Variants in OR2M2 observed in about 807,000 individuals in gnomAD.
The protein encoded by OR2M2 is olfactory receptor family 2 subfamily M member 2, also known as olfactory receptor 2M2.
For missense variants in OR2M2, 467 were observed against 429.9 expected (o/e 1.09, Z -0.76); for synonymous variants, 168 against 151.7 (o/e 1.11, Z -0.79).
chr1:248,176,562 G>GA (rs1232527769), intron 1 of OR2M2, among the ~76,000 whole-genome samples: 4 of 151,646 alleles, frequency 2.6e-5, no homozygotes, highest in Admixed American at 6.6e-5. Context: ...TAGGTATTCT[G>GA]AAAAAAAATA....
At chr1:248,178,714 A>C (rs1665883122) in intron 1 of OR2M2, among the ~76,000 whole-genome samples, 1 of 152,176 alleles carries the variant, frequency 6.6e-6, no homozygotes. Context: ...ACTTTTCTCC[A>C]AAACATTTAT....
At chr1:248,175,887 G>T (rs1223091730) in intron 1 of OR2M2, among the ~76,000 whole-genome samples, 1 of 152,062 alleles carries the variant, frequency 6.6e-6, no homozygotes, top group Non-Finnish European at 1.5e-5. Context: ...TCATGAGGGT[G>T]TTCCCTGTGA....
At chr1:248,178,152 G>T (rs747636853) in intron 1 of OR2M2, among the ~76,000 whole-genome samples, 13 of 152,168 alleles carry the variant, frequency 8.5e-5, no homozygotes, top group Non-Finnish European at 1.2e-4. Context: ...TTAAAAAATT[G>T]TATTTCACCC....
Position 248,180,710 on chromosome 1 carries a change from C to A in OR2M2, c.725C>A (p.Ser242Tyr), listed in dbSNP as rs1206815562. The A allele has an allele frequency of 6.2e-7, 1 of 1,613,206 alleles. No individual in the cohort carries two copies. The highest frequency in any genetic ancestry group is 1.7e-5 in the Admixed American group (1 of 60,016). Residue 242 changes from serine (S) to tyrosine (Y), a missense_variant, in exon 2 of 2, where the codon TCC becomes TAC. By Grantham distance (144) the Ser-to-Tyr change is moderately radical. Coordinates refer to ENST00000641836, the MANE Select transcript of OR2M2 (RefSeq NM_001004688.2). Reference protein sequence around the residue: ...EGRCKAFTTCSSHLMVVGMYY... With the variant: ...EGRCKAFTTCYSHLMVVGMYY... The stretch of plus-strand genomic sequence containing the variant: ...CGTTGCAAAGCTTTCACGACCTGTT[C>A]CTCTCACCTCATGGTGGTGGGAATG...
chr1:248,179,232 C>A (rs145917728), intron 1 of OR2M2, among the ~76,000 whole-genome samples: 1 of 152,138 alleles, frequency 6.6e-6, no homozygotes, highest in East Asian at 1.9e-4. Context: ...CTTATCAGAA[C>A]GTGAGTCATA....
At position 248,180,784 on chromosome 1, in the gene OR2M2, T is replaced by C; in HGVS notation, c.799T>C (p.Ser267Pro). 6.2e-7 allele frequency: 1 copy of C among 1,613,802 alleles called. No homozygotes were observed. Among genetic ancestry groups the C allele is most frequent in the East Asian group, 2.2e-5 (1 of 44,866 alleles). ...FMYIRPTSDH[S>P]PTQDKMVSVF... The stretch of plus-strand genomic sequence containing the variant: ...GTACATACGGCCCACATCTGATCAC[T>C]CCCCAACGCAGGACAAGATGGTGTC... Residue 267 changes from serine to proline, a missense_variant, in exon 2 of 2, where the codon TCC becomes CCC. By Grantham distance (74) the Ser-to-Pro change is moderately conservative. Coordinates refer to ENST00000641836, the MANE Select transcript of OR2M2 (RefSeq NM_001004688.2).
rs545804421 is a variant in OR2M2, at chr1:248,175,338, T to C, written c.-19+467T>C. Among the ~76,000 whole-genome samples the C allele has an allele frequency of 2.0e-5, 3 of 152,276 alleles. No homozygotes were observed. In the South Asian group the frequency reaches 6.2e-4, roughly 32 times the overall value. On this transcript the variant is annotated intron_variant, in intron 1 of 1. Coordinates refer to ENST00000641836, the MANE Select transcript of OR2M2 (RefSeq NM_001004688.2). ...TCTTTTGACTGCTGACATAAGATTGTGACACTTTTGCTTTCTAATGTTTCA... is the reference window on the plus strand; with the variant it reads ...TCTTTTGACTGCTGACATAAGATTGCGACACTTTTGCTTTCTAATGTTTCA...
intron 1 of OR2M2, among the ~76,000 whole-genome samples, chr1:248,177,609 TG>T (rs1665869208): frequency 1.3e-5 from 2 of 152,132 alleles, no homozygotes; most frequent in African/African-American, 4.8e-5. Flanking sequence ...ATTATTTTCT[TG>T]AAGCAAATTC....
chr1:248,180,312 C>T lies in OR2M2; in HGVS notation c.327C>T (p.Gly109=), dbSNP rs970245791. ...TQIFFYISLS[G]SECFLLAVMA... ...TTTTCTTCTATATATCACTGTCTGG[C>T]TCTGAATGTTTTCTTTTGGCTGTTA... is the stretch of plus-strand genomic sequence containing the variant. Residue 109 remains glycine (G), a synonymous_variant, in exon 2 of 2, where the codon GGC becomes GGT. Transcript: ENST00000641836. 1.9e-6 allele frequency: 3 copies of T among 1,613,976 alleles called. No individual in the cohort carries two copies. In the African/African-American group the frequency reaches 4.0e-5, roughly 22 times the overall value.
chr1:248,180,593 G>A lies in OR2M2; in HGVS notation c.608G>A (p.Cys203Tyr). Reference protein sequence around the residue: ...SIFEEVIFICCIVMLVFPVAI... With the variant: ...SIFEEVIFICYIVMLVFPVAI... ...TTTGAAGAGGTTATTTTCATCTGCTGTATAGTAATGCTTGTTTTCCCTGTT... is the reference window on the plus strand; with the variant it reads ...TTTGAAGAGGTTATTTTCATCTGCTATATAGTAATGCTTGTTTTCCCTGTT... The change falls in exon 2 of 2, where the codon TGT (cysteine) becomes TAT (tyrosine). Residue 203 changes from cysteine to tyrosine, a missense_variant. Cys to Tyr is a radical substitution (Grantham distance 194). Transcript: ENST00000641836. The A allele has an allele frequency of 1.2e-6, 2 of 1,613,282 alleles. No homozygotes were observed. Among genetic ancestry groups the A allele is most frequent in the South Asian group, 1.1e-5 (1 of 91,046 alleles).
In OR2M2 at chr1:248,180,420, T is replaced by C. The variant is rs1419507332; in HGVS notation, c.435T>C (p.Ala145=). The change falls in exon 2 of 2, where the codon GCT becomes GCC. Residue 145 remains alanine (A), a synonymous_variant. Transcript: ENST00000641836. ...ATCCTAAAATTTGTGGACTTATGGC[T>C]ACCTTCTCCTGGATCCTGGGCTCTA... ...LMNPKICGLM[A]TFSWILGSTD... 1 of 1,613,934 alleles carries C rather than the reference T, an allele frequency of 6.2e-7. No homozygotes were observed. Among genetic ancestry groups the C allele is most frequent in the Non-Finnish European group, 8.5e-7 (1 of 1,179,952 alleles).
Position 248,180,082 on chromosome 1 carries a change from G to C in OR2M2, c.97G>C (p.Gly33Arg), listed in dbSNP as rs1314221968. 1.1e-5 allele frequency: 17 copies of C among 1,613,774 alleles called. No individual in the cohort carries two copies. The South Asian group carries it at 1.8e-4, about 17-fold the overall frequency. ...CACGTTCCTCTTCTTTCTGGTCCTGGGCATCTTTTTAGTGGCCTTCATGGG... is the reference window on the plus strand; with the variant it reads ...CACGTTCCTCTTCTTTCTGGTCCTGCGCATCTTTTTAGTGGCCTTCATGGG... ...PHTFLFFLVL[G>R]IFLVAFMGNS... The change falls in exon 2 of 2, where the codon GGC becomes CGC. Residue 33 changes from glycine to arginine, a missense_variant. By Grantham distance (125) the Gly-to-Arg change is moderately radical. Coordinates refer to ENST00000641836, the MANE Select transcript of OR2M2 (RefSeq NM_001004688.2).
At chr1:248,175,113 T>C (rs1665845004) in intron 1 of OR2M2, among the ~76,000 whole-genome samples, 2 of 152,180 alleles carry the variant, frequency 1.3e-5, no homozygotes, top group African/African-American at 4.8e-5. Context: ...TTTTTGTTTT[T>C]TATATCCTGG....
chr1:248,180,164 A>G lies in OR2M2; in HGVS notation c.179A>G (p.Tyr60Cys). ...GACACCCAGCTCCACACCCCCATGT[A>G]CTTCCTCCTCAGCCAACTGTCCCTC... Reference protein sequence around the residue: ...YLDTQLHTPMYFLLSQLSLMD... With the variant: ...YLDTQLHTPMCFLLSQLSLMD... Residue 60 changes from tyrosine to cysteine, a missense_variant, in exon 2 of 2, where the codon TAC becomes TGC. Coordinates refer to ENST00000641836, the MANE Select transcript of OR2M2 (RefSeq NM_001004688.2). 6.2e-7 allele frequency: 1 copy of G among 1,613,952 alleles called. No individual in the cohort carries two copies. The highest frequency in any genetic ancestry group is 8.5e-7 in the Non-Finnish European group (1 of 1,179,976).
intron 1 of OR2M2, among the ~76,000 whole-genome samples, chr1:248,179,387 G>C (rs11204596): frequency 0.6 from 91,144 of 152,126 alleles, 31,916 homozygotes; most frequent in Non-Finnish European, 0.76. Flanking sequence ...AGAGAAAAAG[G>C]GCCTAGGTTT....
chr1:248,180,296 A>T lies in OR2M2; in HGVS notation c.311A>T (p.Tyr104Phe), dbSNP rs759468683. 1.9e-6 allele frequency: 3 copies of T among 1,613,242 alleles called. No individual in the cohort carries two copies. Among genetic ancestry groups the T allele is most frequent in the Non-Finnish European group, 1.7e-6 (2 of 1,179,930 alleles). The part of the protein sequence containing the change: ...MAGCVTQIFF[Y>F]ISLSGSECFL... ...GGTTGTGTCACACAAATTTTCTTCTATATATCACTGTCTGGCTCTGAATGT... is the reference window on the plus strand; with the variant it reads ...GGTTGTGTCACACAAATTTTCTTCTTTATATCACTGTCTGGCTCTGAATGT... Residue 104 changes from tyrosine to phenylalanine, a missense_variant, in exon 2 of 2, where the codon TAT becomes TTT. Tyr to Phe is a conservative substitution (Grantham distance 22, BLOSUM62 3). Coordinates refer to ENST00000641836, the MANE Select transcript of OR2M2 (RefSeq NM_001004688.2).
intron 1 of OR2M2, among the ~76,000 whole-genome samples, chr1:248,178,736 A>G (rs1665883281): frequency 6.6e-6 from 1 of 152,192 alleles, no homozygotes; most frequent in Non-Finnish European, 1.5e-5. Flanking sequence ...CTTTTATGAT[A>G]TAAAGTGGTT....
At position 248,180,682 on chromosome 1, in the gene OR2M2, G is replaced by A; in HGVS notation, c.697G>A (p.Gly233Ser). 2 of 1,612,414 alleles carry A rather than the reference G, an allele frequency of 1.2e-6. No homozygotes were observed. Among genetic ancestry groups the A allele is most frequent in the South Asian group, 2.2e-5 (2 of 91,002 alleles). The change falls in exon 2 of 2, where the codon GGT becomes AGT. Residue 233 changes from glycine (G) to serine (S), a missense_variant. Coordinates refer to ENST00000641836, the MANE Select transcript of OR2M2 (RefSeq NM_001004688.2). ...TGTCATTCACATGGGATCTGGAGAG[G>A]GTCGTTGCAAAGCTTTCACGACCTG... ...LAVIHMGSGEGRCKAFTTCSS... is the reference protein window; with the variant it reads ...LAVIHMGSGESRCKAFTTCSS...
chr1:248,179,890 G>C, intron 1 of OR2M2, 78 bp from the exon 2 acceptor site: 1 of 1,397,876 alleles, frequency 7.2e-7, no homozygotes, highest in Non-Finnish European at 9.8e-7. Flanking sequence ...CCCAACTACA[G>C]AATTTACCAA....
Sources: allele counts gnomAD v4.1 joint callset (sites outside exome capture counted in the v4.1 genomes callset), GRCh38; gene constraint gnomAD v4.1.1; transcripts MANE v1.5; gene names NCBI Gene and HGNC (gene_info 2026-07-23, HGNC 2026-07-21).